Variants in USP4 observed in about 807,000 individuals in gnomAD.
The protein encoded by USP4 is ubiquitin carboxyl-terminal hydrolase 4.
In USP4, 72 loss-of-function variants were observed where a neutral mutation model predicts 118.2. The observed-to-expected ratio is 0.61, with a 90% CI of 0.50 to 0.74. The LOEUF (loss-of-function observed/expected upper bound fraction) is 0.74. Ranked by LOEUF, USP4 falls within the 30% of genes least tolerant of loss-of-function variation. The pLI is 0.00. For synonymous variants in USP4, 415 were observed against 440.4 expected, an observed-to-expected ratio of 0.94 and a Z score of 0.72; for missense variants, 1,037 against 1,185.7, an observed-to-expected ratio of 0.87 and a Z score of 1.84.
chr3:49,280,454 A>G (rs1559462543), intron 20 of USP4, among the ~76,000 whole-genome samples: 1 of 150,742 alleles, frequency 6.6e-6, no homozygotes, highest in African/African-American at 2.4e-5. Flanking sequence ...CCAGCTACTC[A>G]GGAGGCTGAG....
intron 1 of USP4, among the ~76,000 whole-genome samples, chr3:49,339,515 C>T (rs555683266): frequency 5.9e-5 from 9 of 152,336 alleles, no homozygotes; most frequent in Non-Finnish European, 1.2e-4. Context: ...TTCTGATTTT[C>T]CCCTCAACCC....
intron 6 of USP4, 152 bp from the exon 7 acceptor site, chr3:49,311,806 C>G (rs2047385643): frequency 7.4e-7 from 1 of 1,357,726 alleles, no homozygotes; most frequent in Non-Finnish European, 9.5e-7. Flanking sequence ...TCAAGGTAAA[C>G]TTTATTTAAG....
At chr3:49,283,895 A>AT (rs2047065619) in intron 19 of USP4, 92 bp downstream of exon 19, 7 of 1,521,990 alleles carry the variant, frequency 4.6e-6, no homozygotes, top group Non-Finnish European at 5.4e-6. Context: ...CTTACTCAGA[A>AT]AAGTTTTTGG....
At chr3:49,302,350 G>C in intron 10 of USP4, 34 bp downstream of exon 10, 1 of 1,604,928 alleles carries the variant, frequency 6.2e-7, no homozygotes, top group Non-Finnish European at 8.5e-7. Context: ...AGCTTCTTTG[G>C]CATATTATCA....
At chr3:49,317,419 A>AGCTTGTTGTC (rs2047450791) in intron 6 of USP4, 1 of 973,536 alleles carries the variant, frequency 1.0e-6, no homozygotes, top group Non-Finnish European at 1.6e-6. Context: ...GCATTTGACC[A>AGCTTGTTGTC]GCTTGTTGTC....
chr3:49,279,878 C>A (rs1324500598), intron 20 of USP4, among the ~76,000 whole-genome samples: 1 of 152,184 alleles, frequency 6.6e-6, no homozygotes, highest in Non-Finnish European at 1.5e-5. Context: ...AATGTGGACC[C>A]TCACACAACC....
intron 6 of USP4, among the ~76,000 whole-genome samples, chr3:49,316,049 CA>C (rs1476746933): frequency 1.3e-5 from 2 of 151,878 alleles, no homozygotes; most frequent in Admixed American, 1.3e-4. Flanking sequence ...ACTAAAAATA[CA>C]AAATTAGCCA....
intron 9 of USP4, among the ~76,000 whole-genome samples, chr3:49,304,015 T>C (rs542288764): frequency 6.6e-6 from 1 of 152,104 alleles, no homozygotes; most frequent in South Asian, 2.1e-4. Flanking sequence ...GGCCTCCCCA[T>C]GGGCTGGGAT....
intron 3 of USP4, 148 bp downstream of exon 3, chr3:49,327,538 C>CAA: frequency 3.5e-5 from 26 of 746,494 alleles, no homozygotes; most frequent in East Asian, 9.7e-5. Context: ...GACTCCATCT[C>CAA]AAAAAAAAAA....
At chr3:49,331,638 A>G (rs555481869) in intron 2 of USP4, among the ~76,000 whole-genome samples, 25 of 152,292 alleles carry the variant, frequency 1.6e-4, no homozygotes, top group African/African-American at 6.0e-4. Flanking sequence ...TAAAATAAAA[A>G]CAAAAATATT....
At chr3:49,337,226 T>C (rs2047677551) in intron 1 of USP4, among the ~76,000 whole-genome samples, 1 of 151,668 alleles carries the variant, frequency 6.6e-6, no homozygotes, top group Non-Finnish European at 1.5e-5. Context: ...TGCAGTGAGC[T>C]GAGATCATGC....
At chr3:49,332,373 A>C (rs2047626976) in intron 2 of USP4, among the ~76,000 whole-genome samples, 2 of 151,972 alleles carry the variant, frequency 1.3e-5, no homozygotes, top group Non-Finnish European at 2.9e-5. Flanking sequence ...TGGGAGGATC[A>C]CTTGAGCCCA....
At chr3:49,308,117 T>C (rs960242384) in intron 8 of USP4, among the ~76,000 whole-genome samples, 1 of 152,122 alleles carries the variant, frequency 6.6e-6, no homozygotes, top group Non-Finnish European at 1.5e-5. Context: ...GGACTGTCTG[T>C]TTGCCTGGTG....
intron 20 of USP4, chr3:49,279,166 C>G (rs2046991340): frequency 4.3e-6 from 1 of 230,670 alleles, no homozygotes; most frequent in African/African-American, 2.3e-5. Context: ...ATAGAAAAAA[C>G]AGAGCTATTC....
chr3:49,311,321 G>A (rs2047380387), intron 7 of USP4, among the ~76,000 whole-genome samples, 193 bp downstream of exon 7: 1 of 152,126 alleles, frequency 6.6e-6, no homozygotes, highest in African/African-American at 2.4e-5. Flanking sequence ...CTCACAGGAG[G>A]ACAAGCAACA....
intron 1 of USP4, 61 bp downstream of exon 1, chr3:49,339,863 A>T: frequency 2.1e-6 from 3 of 1,413,528 alleles, no homozygotes; most frequent in Non-Finnish European, 3.0e-6. Context: ...GCCGAGAAAA[A>T]GGAGGCCCCT....
At chr3:49,281,491 T>TACACACACACACACACACACAC (rs71077782) in intron 19 of USP4, among the ~76,000 whole-genome samples, 1 of 126,498 alleles carries the variant, frequency 7.9e-6, no homozygotes, top group Admixed American at 8.2e-5. Flanking sequence ...TATATATATA[T>TACACACACACACACACACACAC]ACACACACAC....
chr3:49,326,006 T>C (rs1380390215), intron 3 of USP4, among the ~76,000 whole-genome samples, 161 bp from the exon 4 acceptor site: 2 of 152,118 alleles, frequency 1.3e-5, no homozygotes, highest in African/African-American at 2.4e-5. Flanking sequence ...TACCAGTACC[T>C]GGACAAAGAG....
intron 6 of USP4, chr3:49,317,501 G>T: frequency 2.5e-5 from 16 of 637,556 alleles, no homozygotes; most frequent in East Asian, 1.1e-4. Context: ...TTGAGATGGA[G>T]TTTCACTCTT....
Sources: allele counts gnomAD v4.1 joint callset (sites outside exome capture counted in the v4.1 genomes callset), GRCh38; gene constraint gnomAD v4.1.1; transcripts MANE v1.5; gene names NCBI Gene and HGNC (gene_info 2026-07-23, HGNC 2026-07-21).